MAPRE2: variants seen among roughly 807,000 people sequenced by gnomAD.
The protein encoded by MAPRE2 is microtubule associated protein RP/EB family member 2, also known as microtubule-associated protein RP/EB family member 2.
A neutral mutation model predicts 43.2 loss-of-function variants in MAPRE2; 13 were observed. The observed-to-expected ratio is 0.30, with a 90% confidence interval of 0.20 to 0.48. The LOEUF is 0.48. MAPRE2 is among the 20% of genes least tolerant of loss of function. The pLI is 0.99. For synonymous variants in MAPRE2, 135 were observed against 148.8 expected, an observed-to-expected ratio of 0.91 and a Z score of 0.68; for missense variants, 161 against 400.2, an observed-to-expected ratio of 0.40 and a Z score of 5.10.
chr18:35,132,519 CCTT>C (rs1164688248), intron 6 of MAPRE2, among the ~76,000 whole-genome samples: 5 of 152,192 alleles, frequency 3.3e-5, no homozygotes, highest in Non-Finnish European at 7.3e-5. Context: ...ACGGATTCCT[CCTT>C]CTTCATGCAA....
chr18:35,091,141 G>T (rs536624536), intron 2 of MAPRE2, among the ~76,000 whole-genome samples: 1 of 152,334 alleles, frequency 6.6e-6, no homozygotes, highest in African/African-American at 2.4e-5. Flanking sequence ...TACAGGTTAA[G>T]TATCTCTAAT....
At chr18:34,987,048 A>C (rs926151710) in intron 1 of MAPRE2, among the ~76,000 whole-genome samples, 1 of 152,194 alleles carries the variant, frequency 6.6e-6, no homozygotes, top group Non-Finnish European at 1.5e-5. Flanking sequence ...AAAAGCCATT[A>C]ACTGAAGTTT....
chr18:35,013,506 T>TCCATCATGTAA (rs2097036156), intron 2 of MAPRE2, among the ~76,000 whole-genome samples: 1 of 152,234 alleles, frequency 6.6e-6, no homozygotes, highest in Non-Finnish European at 1.5e-5. Flanking sequence ...AAAATATTTA[T>TCCATCATGTAA]AATTTCTTTC....
intron 1 of MAPRE2, among the ~76,000 whole-genome samples, chr18:34,986,153 T>C (rs1260121461): frequency 6.6e-6 from 1 of 152,082 alleles, no homozygotes. Flanking sequence ...TTTGCTGAAG[T>C]ACCTGAAACT....
At chr18:35,018,028 A>ATTT (rs1209927864) in intron 2 of MAPRE2, among the ~76,000 whole-genome samples, 4 of 151,802 alleles carry the variant, frequency 2.6e-5, no homozygotes, top group Admixed American at 6.6e-5. Context: ...AGGATGTTGG[A>ATTT]TTTTTATCAA....
In MAPRE2 at chr18:35,012,120, T is replaced by C. The variant is rs189529977; in HGVS notation, c.-8+6567T>C. Among the ~76,000 whole-genome samples, 288 of 152,130 alleles carry C rather than the reference T, an allele frequency of 1.9e-3. 2 individuals are homozygous for C. Among genetic ancestry groups the C allele is most frequent in the Non-Finnish European group, 3.3e-3 (223 of 68,002 alleles). ...TGGCATGAGTAAGTGGGGGCTTTGG[T>C]GAGTGTTATTTACTGAGACAGGACA... On this transcript the variant is annotated intron_variant, in intron 2 of 7. Coordinates refer to the MAPRE2 transcript ENST00000413393.
intron 2 of MAPRE2, among the ~76,000 whole-genome samples, chr18:35,093,612 G>A (rs1430836738): frequency 6.6e-6 from 1 of 152,190 alleles, no homozygotes; most frequent in Non-Finnish European, 1.5e-5. Flanking sequence ...CTTGTCATTT[G>A]TGGCCACATG....
At chr18:35,024,934 A>G (rs558197702) in intron 2 of MAPRE2, among the ~76,000 whole-genome samples, 1 of 152,302 alleles carries the variant, frequency 6.6e-6, no homozygotes, top group South Asian at 2.1e-4. Context: ...AAAAAAATAC[A>G]GGTTAACTAT....
intron 2 of MAPRE2, chr18:35,082,040 C>T (rs1459308855): frequency 1.4e-5 from 1 of 73,260 alleles, no homozygotes; most frequent in Non-Finnish European, 2.1e-5. Flanking sequence ...CCTGTAATCC[C>T]AGCACTTTGG....
intron 1 of MAPRE2, among the ~76,000 whole-genome samples, chr18:34,997,143 C>T (rs1450079665): frequency 6.6e-6 from 1 of 152,118 alleles, no homozygotes; most frequent in East Asian, 1.9e-4. Flanking sequence ...TTTTGTATCC[C>T]TACCTCTCCT....
intron 2 of MAPRE2, among the ~76,000 whole-genome samples, chr18:35,094,560 T>C (rs541552866): frequency 6.6e-6 from 1 of 152,272 alleles, no homozygotes; most frequent in Admixed American, 6.5e-5. Flanking sequence ...GATTATTAAG[T>C]TGTGATGTTC....
chr18:34,978,836 C>G (rs142579126), intron 1 of MAPRE2, among the ~76,000 whole-genome samples: 1 of 152,162 alleles, frequency 6.6e-6, no homozygotes, highest in Non-Finnish European at 1.5e-5. Flanking sequence ...AATTTTGCTG[C>G]ATAGTGGAAT....
chr18:35,096,210 G>A (rs907730494), intron 2 of MAPRE2, among the ~76,000 whole-genome samples: 2 of 152,118 alleles, frequency 1.3e-5, no homozygotes, highest in African/African-American at 4.8e-5. Flanking sequence ...TCTTGGTAGT[G>A]TAAAGGATGA....
chr18:34,992,685 C>G (rs1000711415), intron 1 of MAPRE2, among the ~76,000 whole-genome samples: 4 of 152,100 alleles, frequency 2.6e-5, no homozygotes, highest in African/African-American at 9.7e-5. Context: ...GGAAAACATG[C>G]AGTTTTGATA....
At chr18:35,068,967 G>A (rs1178159475) in intron 1 of MAPRE2, among the ~76,000 whole-genome samples, 1 of 152,176 alleles carries the variant, frequency 6.6e-6, no homozygotes, top group Non-Finnish European at 1.5e-5. Context: ...GCAGTGTATT[G>A]ATGGAGGATT....
chr18:35,051,710 C>G (rs1175760962), intron 1 of MAPRE2, among the ~76,000 whole-genome samples: 2 of 152,156 alleles, frequency 1.3e-5, no homozygotes, highest in Admixed American at 1.3e-4. Context: ...CTTTTACTTT[C>G]TGTCCCAGCT....
chr18:35,034,007 A>T (rs1438010008), intron 2 of MAPRE2, among the ~76,000 whole-genome samples: 1 of 151,742 alleles, frequency 6.6e-6, no homozygotes, highest in Non-Finnish European at 1.5e-5. Context: ...GAATTGGAAA[A>T]AACTACTTTA....
chr18:35,021,385 A>C (rs1435376755), intron 2 of MAPRE2, among the ~76,000 whole-genome samples: 1 of 152,194 alleles, frequency 6.6e-6, no homozygotes, highest in Non-Finnish European at 1.5e-5. Context: ...ATGAATGGGG[A>C]CCAGAAATGG....
intron 1 of MAPRE2, chr18:34,978,667 C>T (rs952713155): frequency 2.4e-6 from 2 of 831,836 alleles, no homozygotes; most frequent in Non-Finnish European, 4.0e-6. Context: ...GAAATGCTTC[C>T]TTACTTTGCT....
Sources: gnomAD v4.1 joint callset for allele counts (sites outside exome capture counted in the v4.1 genomes callset) on GRCh38, gnomAD v4.1.1 for gene constraint, MANE v1.5 for transcripts, NCBI Gene and HGNC (gene_info 2026-07-23, HGNC 2026-07-21) for gene names.